The following TRDN variants were observed in gnomAD, a reference collection of about 807,000 sequenced individuals.
TRDN encodes the protein triadin, also known as triadin in skeletal muscle.
A neutral mutation model predicts 149.7 loss-of-function variants in TRDN; 161 were observed. The observed-to-expected ratio is 1.08, with a 90% CI of 0.95 to 1.23. The LOEUF (loss-of-function observed/expected upper bound fraction) is 1.23, where lower values mean the gene tolerates loss of function less well. TRDN is among the 50% of genes most tolerant of loss of function. The pLI is 0.00. For missense variants in TRDN, 896 were observed against 823.5 expected (o/e 1.09, Z -1.08); for synonymous variants, 294 against 250.5 (o/e 1.17, Z -1.64).
chr6:123,231,525 G>A (rs1775601171), intron 38 of TRDN, among the ~76,000 whole-genome samples: 1 of 151,912 alleles, frequency 6.6e-6, no homozygotes, highest in African/African-American at 2.4e-5. Context: ...CCTACAATAG[G>A]TATAGAAAAT....
chr6:123,459,693 C>T (rs901993737), intron 10 of TRDN, among the ~76,000 whole-genome samples: 2 of 152,162 alleles, frequency 1.3e-5, no homozygotes, highest in African/African-American at 4.8e-5. Flanking sequence ...AAATGTAACT[C>T]ATTATTATCT....
intron 9 of TRDN, among the ~76,000 whole-genome samples, chr6:123,493,651 TCTAG>T (rs1303857724): frequency 2.0e-5 from 3 of 152,114 alleles, no homozygotes; most frequent in African/African-American, 7.2e-5. Flanking sequence ...AATAGTGAAC[TCTAG>T]CTAAACAATA....
intron 24 of TRDN, among the ~76,000 whole-genome samples, chr6:123,304,473 G>C (rs1314945431): frequency 1.3e-5 from 2 of 151,672 alleles, no homozygotes; most frequent in Admixed American, 6.6e-5. Context: ...AGGATGGTCT[G>C]GATCTCCTGA....
chr6:123,505,765 T>A (rs1778896651), intron 7 of TRDN, among the ~76,000 whole-genome samples: 1 of 151,954 alleles, frequency 6.6e-6, no homozygotes, highest in South Asian at 2.1e-4. Context: ...AGTGGCACGA[T>A]CTCGGCTCAC....
intron 10 of TRDN, among the ~76,000 whole-genome samples, chr6:123,443,220 T>G (rs116514292): frequency 6.7e-6 from 1 of 148,832 alleles, no homozygotes; most frequent in South Asian, 2.1e-4. Context: ...GTATATAATA[T>G]ATATATACAT....
chr6:123,388,583 G>A (rs1293967047), intron 13 of TRDN, 32 bp from the exon 14 acceptor site: 2 of 1,570,850 alleles, frequency 1.3e-6, no homozygotes, highest in Admixed American at 1.9e-5. Flanking sequence ...TAAGGCATAT[G>A]AAATGACCAT....
At chr6:123,248,856 T>C (rs1167320609) in intron 38 of TRDN, among the ~76,000 whole-genome samples, 3 of 152,100 alleles carry the variant, frequency 2.0e-5, no homozygotes, top group Admixed American at 2.0e-4. Context: ...GAACCCTCCA[T>C]AACTCAATCT....
rs182366964 is a variant in TRDN, at chr6:123,586,428, G to A, written c.23-15296C>T. On this transcript the variant is annotated intron_variant, in intron 1 of 40. Coordinates refer to ENST00000334268, the MANE Select transcript of TRDN (RefSeq NM_006073.4). ...GGGGTTGGGACTGAGGGGACAGGTG[G>A]GAGGGAAAGGAGGAAGATTTGGGAT... 7.1e-4 allele frequency among the ~76,000 whole-genome samples: 108 copies of A among 152,166 alleles called. No homozygotes were observed. In the East Asian group the frequency reaches 0.02, roughly 28 times the overall value.
intron 5 of TRDN, chr6:123,528,963 AATTT>A: frequency 1.6e-6 from 2 of 1,224,604 alleles, no homozygotes; most frequent in South Asian, 4.7e-5. Context: ...GTCTTTGAGA[AATTT>A]ATTTTAGACT....
At chr6:123,287,904 T>C (rs1038711575) in intron 24 of TRDN, among the ~76,000 whole-genome samples, 4 of 152,092 alleles carry the variant, frequency 2.6e-5, no homozygotes, top group African/African-American at 9.7e-5. Context: ...CACCCATATA[T>C]GTTTATTGTA....
chr6:123,417,269 C>A (rs1773695361), intron 12 of TRDN, among the ~76,000 whole-genome samples: 1 of 152,084 alleles, frequency 6.6e-6, no homozygotes, highest in Admixed American at 6.6e-5. Context: ...ATTAAGTCTA[C>A]CTTTCAGATT....
intron 10 of TRDN, chr6:123,464,224 A>T (rs1343956226): frequency 4.1e-6 from 4 of 967,736 alleles, no homozygotes; most frequent in Non-Finnish European, 4.9e-6. Context: ...AAGTTTAAGA[A>T]ATGAATGAAG....
Position 123,631,116 on chromosome 6 carries a change from C to CTT in TRDN, c.22+5636_22+5637dup, listed in dbSNP as rs200458146. ...ATACTCTCCTGGTTTTCACAATCTG[C>CTT]TTTTTTTTTTTTTTCTATTTTCCTA... On this transcript the variant is annotated intron_variant, in intron 1 of 40. Coordinates refer to ENST00000334268, the MANE Select transcript of TRDN (RefSeq NM_006073.4). Among the ~76,000 whole-genome samples the CTT allele has an allele frequency of 5.6e-4, 79 of 141,444 alleles. No individual in the cohort carries two copies. In the East Asian group the frequency reaches 7.7e-3, roughly 14 times the overall value. The allele number at this position is 141,444 out of a possible 152,430, so 92.8% of individuals were successfully genotyped here.
At chr6:123,600,170 A>G (rs566654716) in intron 1 of TRDN, among the ~76,000 whole-genome samples, 15 of 152,182 alleles carry the variant, frequency 9.9e-5, no homozygotes, top group African/African-American at 3.6e-4. Context: ...TGTATTAGAA[A>G]TGAACCCCTT....
intron 5 of TRDN, chr6:123,529,046 C>T: frequency 7.1e-7 from 1 of 1,409,874 alleles, no homozygotes; most frequent in Non-Finnish European, 9.2e-7. Flanking sequence ...CAGCCCACTG[C>T]TCGGTCTTTG....
chr6:123,498,590 C>A (rs966409643), intron 8 of TRDN: 1 of 470,868 alleles, frequency 2.1e-6, no homozygotes, highest in East Asian at 7.0e-5. Flanking sequence ...CATTGATTTG[C>A]CCTTTGATGT....
chr6:123,443,754 C>T (rs904423635), intron 10 of TRDN, among the ~76,000 whole-genome samples: 1 of 149,070 alleles, frequency 6.7e-6, no homozygotes, highest in Non-Finnish European at 1.5e-5. Flanking sequence ...CCAGTTTTCC[C>T]AGCACCATTT....
chr6:123,590,648 A>T (rs1583295188), intron 1 of TRDN, among the ~76,000 whole-genome samples: 1 of 152,046 alleles, frequency 6.6e-6, no homozygotes, highest in South Asian at 2.1e-4. Flanking sequence ...TATAGTCCCA[A>T]CTACTTGGGA....
At chr6:123,298,750 T>C (rs1418550417) in intron 24 of TRDN, among the ~76,000 whole-genome samples, 2 of 152,048 alleles carry the variant, frequency 1.3e-5, no homozygotes, top group Non-Finnish European at 2.9e-5. Flanking sequence ...TGCTAAAATA[T>C]TGGGGAGGGA....
Sources: gnomAD v4.1 joint callset for allele counts (sites outside exome capture counted in the v4.1 genomes callset) on GRCh38, gnomAD v4.1.1 for gene constraint, MANE v1.5 for transcripts, NCBI Gene and HGNC (gene_info 2026-07-23, HGNC 2026-07-21) for gene names.